The following FER1L5 variants were observed in gnomAD, a reference collection of about 807,000 sequenced individuals.
The protein encoded by FER1L5 is fer-1-like protein 5.
In FER1L5, 187 loss-of-function variants were observed where a neutral mutation model predicts 279.9. That is an observed-to-expected ratio of 0.67 (90% confidence interval 0.59 to 0.75). The LOEUF is 0.75. FER1L5 is among the 30% of genes least tolerant of loss of function. The pLI is 0.00. For missense variants in FER1L5, 2,091 were observed against 2,594.4 expected, an observed-to-expected ratio of 0.81 and a Z score of 4.21; for synonymous variants, 921 against 989.7, an observed-to-expected ratio of 0.93 and a Z score of 1.30.
intron 19 of FER1L5, among the ~76,000 whole-genome samples, chr2:96,680,105 G>A (rs913713061): frequency 3.3e-5 from 5 of 151,928 alleles, no homozygotes; most frequent in African/African-American, 1.2e-4. Context: ...CTTCGGTGGC[G>A]GTCACAGTTG....
chr2:96,690,786 T>C (rs932837436), intron 27 of FER1L5, among the ~76,000 whole-genome samples, 197 bp downstream of exon 27: 1 of 152,214 alleles, frequency 6.6e-6, no homozygotes, highest in Non-Finnish European at 1.5e-5. Context: ...GCCCTCAGTG[T>C]GTCCTGAAGC....
chr2:96,653,961 G>T, intron 8 of FER1L5: 1 of 493,740 alleles, frequency 2.0e-6, no homozygotes, highest in Non-Finnish European at 3.6e-6. Context: ...CATGTGCCAG[G>T]ATTTTCAAGC....
At chr2:96,681,958 A>G (rs2076745692) in intron 19 of FER1L5, among the ~76,000 whole-genome samples, 1 of 150,144 alleles carries the variant, frequency 6.7e-6, no homozygotes, top group African/African-American at 2.5e-5. Flanking sequence ...GCTAATTTTC[A>G]TATTTGTAAT....
At chr2:96,692,242 T>C (rs2153288171) in intron 31 of FER1L5, 61 bp downstream of exon 31, 1 of 1,527,380 alleles carries the variant, frequency 6.5e-7, no homozygotes, top group South Asian at 1.2e-5. Flanking sequence ...AGAGCAGGGT[T>C]GTGTTCCTGC....
At chr2:96,678,635 T>G (rs950642508) in intron 19 of FER1L5, among the ~76,000 whole-genome samples, 6 of 151,132 alleles carry the variant, frequency 4.0e-5, no homozygotes, top group African/African-American at 1.5e-4. Context: ...GTTTCTCCAT[T>G]TTGTCCAGGC....
In FER1L5 at chr2:96,695,610, T is replaced by G; in HGVS notation, c.3843T>G (p.Phe1281Leu). The G allele has an allele frequency of 6.2e-7, 1 of 1,603,420 alleles. No homozygotes were observed. Among genetic ancestry groups the G allele is most frequent in the East Asian group, 2.3e-5 (1 of 44,424 alleles). Residue 1281 changes from phenylalanine to leucine, a missense_variant, in exon 35 of 53, where the codon TTT becomes TTG. Physicochemically the swap from Phe to Leu is conservative, Grantham distance 22. Transcript: ENST00000624922. ...TGAGGACAGAACCCATCAGGGACTT[T>G]CAGACCAACCCCAACTTCCCCGAGT... ...ESLRTEPIRD[F>L]QTNPNFPESE...
chr2:96,694,291 C>A lies in FER1L5; in HGVS notation c.3637-69C>A. On this transcript the variant is annotated intron_variant, in intron 33 of 52. Transcript: ENST00000624922. This position sits in a 1 kb window ranked among gnomAD's most constrained non-coding sequence, Gnocchi z 4.6. ...TGGGCTCGGTGAGGCCTCTGAGGGA[C>A]CTGCTTGAGGTGAGGGTGAGGGCAG... The A allele has an allele frequency of 7.0e-7, 1 of 1,426,936 alleles. No individual in the cohort carries two copies. 88.4% of individuals were successfully genotyped at this position (1,426,936 alleles called of 1,614,324 possible).
rs1263772923 is a variant in FER1L5 at position 96,704,662 on chromosome 2, T to A, written c.6144T>A (p.Ile2048=). The change falls in exon 53 of 53, where the codon ATT becomes ATA. Residue 2048 remains isoleucine, a synonymous_variant. Coordinates refer to ENST00000624922, the MANE Select transcript of FER1L5 (RefSeq NM_001293083.2). ...GACCCACAAATCACCTGAGTGATATTTTCCCAGAACTTCCAGCCCCAGGAG... is the reference window on the plus strand; with the variant it reads ...GACCCACAAATCACCTGAGTGATATATTCCCAGAACTTCCAGCCCCAGGAG... The part of the protein sequence containing the change: ...HPGPTNHLSD[I]FPELPAPGD 5 of 1,613,890 alleles carry A rather than the reference T, an allele frequency of 3.1e-6. No individual in the cohort carries two copies. The highest frequency in any genetic ancestry group is 1.3e-5 in the African/African-American group (1 of 74,916).
intron 9 of FER1L5, among the ~76,000 whole-genome samples, chr2:96,657,539 A>G (rs2075646951): frequency 6.6e-6 from 1 of 152,200 alleles, no homozygotes; most frequent in South Asian, 2.1e-4. Context: ...CACCTCCAAA[A>G]GTTGTCTGAT....
intron 19 of FER1L5, among the ~76,000 whole-genome samples, chr2:96,684,023 G>A (rs180905858): frequency 6.1e-4 from 93 of 152,314 alleles, no homozygotes; most frequent in African/African-American, 1.9e-3. Context: ...AGGCGCCTGC[G>A]TTATGACCGC....
chr2:96,676,998 C>T (rs528998333), intron 19 of FER1L5, among the ~76,000 whole-genome samples: 128 of 152,212 alleles, frequency 8.4e-4, no homozygotes, highest in Non-Finnish European at 1.5e-3. Context: ...TGTGCCACCA[C>T]GCCCAGCTAA....
chr2:96,662,101 A>C, intron 12 of FER1L5, 114 bp from the exon 13 acceptor site: 1 of 1,083,248 alleles, frequency 9.2e-7, no homozygotes, highest in Non-Finnish European at 1.4e-6. Flanking sequence ...AGGTCTGCCC[A>C]GGGGGCACCC....
intron 9 of FER1L5, among the ~76,000 whole-genome samples, chr2:96,659,295 T>TGCC (rs2075738959): frequency 2.3e-4 from 5 of 21,974 alleles, no homozygotes; most frequent in Non-Finnish European, 4.0e-4. Flanking sequence ...CAAGCTTTCC[T>TGCC]TCCTTCCTTC....
chr2:96,659,214 T>C (rs1370346660), intron 9 of FER1L5, among the ~76,000 whole-genome samples: 1 of 152,058 alleles, frequency 6.6e-6, no homozygotes, highest in Non-Finnish European at 1.5e-5. Context: ...ATTACAGGCG[T>C]GAGCCACTGT....
At chr2:96,651,693 G>A (rs2075388295) in intron 6 of FER1L5, among the ~76,000 whole-genome samples, 199 bp from the exon 7 acceptor site, 1 of 151,946 alleles carries the variant, frequency 6.6e-6, no homozygotes, top group African/African-American at 2.4e-5. Context: ...TGTAGAGACG[G>A]GGTTTTGCCA....
intron 9 of FER1L5, among the ~76,000 whole-genome samples, chr2:96,656,764 T>TGTTAAGTTGCAA (rs2075615940): frequency 1.3e-5 from 2 of 151,186 alleles, no homozygotes; most frequent in African/African-American, 2.4e-5. Flanking sequence ...TTTTTTTTTT[T>TGTTAAGTTGCAA]AATTTGCAAC....
In FER1L5 at chr2:96,693,686, G is replaced by A; in HGVS notation, c.3473G>A (p.Trp1158Ter). The A allele has an allele frequency of 6.4e-7, 1 of 1,550,896 alleles. No individual in the cohort carries two copies. The highest frequency in any genetic ancestry group is 8.7e-7 in the Non-Finnish European group (1 of 1,146,522). ...VVLELWQRDF[W>*]GKESLWGRSV... Reference sequence around the variant, plus strand: ...CTGGAGCTGTGGCAGCGTGACTTCTGGGTAAGTTGGGCTGGGCAGAGCAAG... The same window carrying A: ...CTGGAGCTGTGGCAGCGTGACTTCTAGGTAAGTTGGGCTGGGCAGAGCAAG... The change falls in exon 32 of 53, where the codon TGG (tryptophan) becomes TAG (stop). Residue 1158 changes from tryptophan (W) to a stop codon, truncating the protein, a stop_gained and splice_region_variant. Coordinates refer to ENST00000624922, the MANE Select transcript of FER1L5 (RefSeq NM_001293083.2). LOFTEE classifies it high-confidence loss of function.
chr2:96,657,572 T>C (rs1390946748), intron 9 of FER1L5, among the ~76,000 whole-genome samples: 1 of 152,202 alleles, frequency 6.6e-6, no homozygotes, highest in Admixed American at 6.5e-5. Flanking sequence ...TCACTCCGTC[T>C]CATTCCCATC....
At chr2:96,696,130 C>G (rs1172470312) in intron 37 of FER1L5, 53 bp downstream of exon 37, 1 of 1,609,480 alleles carries the variant, frequency 6.2e-7, no homozygotes, top group East Asian at 2.2e-5. Context: ...GGGGTATAAC[C>G]CTTGGGCCTA....
Sources: gnomAD v4.1 joint callset for allele counts (sites outside exome capture counted in the v4.1 genomes callset) on GRCh38, gnomAD v4.1.1 for gene constraint, Gnocchi (gnomAD v3.1) non-coding constraint, MANE v1.5 for transcripts, NCBI Gene and HGNC (gene_info 2026-07-23, HGNC 2026-07-21) for gene names.